Variants in PRH1 observed in about 807,000 individuals in gnomAD.
PRH1 encodes proline rich protein HaeIII subfamily 1.
In PRH1, 7 loss-of-function variants were observed where a neutral mutation model predicts 7.9. That is an observed-to-expected ratio of 0.89 (90% CI 0.50 to 1.67). The LOEUF (loss-of-function observed/expected upper bound fraction) is 1.67, where lower values mean the gene tolerates loss of function less well. PRH1 is among the 40% of genes most tolerant of loss of function. PRH1 has a pLI of 0.00. For synonymous variants in PRH1, 45 were observed against 80.8 expected, an observed-to-expected ratio of 0.56 and a Z score of 2.38; for missense variants, 109 against 223.6, an observed-to-expected ratio of 0.49 and a Z score of 3.27.
At chr12:11,148,510 T>C (rs1441855610) in intron 1 of PRH1, among the ~76,000 whole-genome samples, 1 of 147,936 alleles carries the variant, frequency 6.8e-6, no homozygotes, top group African/African-American at 2.5e-5. Flanking sequence ...TTGTTGAATT[T>C]TGTCAAAGGC....
At chr12:11,027,881 C>G (rs1018766490) in intron 1 of PRH1, among the ~76,000 whole-genome samples, 1 of 152,190 alleles carries the variant, frequency 6.6e-6, no homozygotes, top group African/African-American at 2.4e-5. Context: ...ATAGCAAGTG[C>G]AGAATATTAA....
chr12:11,071,879 C>T (rs1591951240), intron 1 of PRH1, among the ~76,000 whole-genome samples: 3 of 152,288 alleles, frequency 2.0e-5, no homozygotes, highest in East Asian at 3.9e-4. Flanking sequence ...CTCAATAACC[C>T]CCCTTACCTT....
chr12:10,890,949 C>T (rs888448535), intron 2 of PRH1, among the ~76,000 whole-genome samples: 1 of 152,012 alleles, frequency 6.6e-6, no homozygotes, highest in Non-Finnish European at 1.5e-5. Context: ...CACCCCTTCC[C>T]CCAACCCCCA....
chr12:11,102,350 G>A (rs1365849461), intron 1 of PRH1, among the ~76,000 whole-genome samples: 1 of 152,146 alleles, frequency 6.6e-6, no homozygotes, highest in Non-Finnish European at 1.5e-5. Flanking sequence ...CAGAGATATA[G>A]ACCAATGGAA....
At chr12:11,158,238 C>T (rs867862884) in intron 1 of PRH1, among the ~76,000 whole-genome samples, 5 of 152,092 alleles carry the variant, frequency 3.3e-5, no homozygotes. Context: ...ATTCTCTTAA[C>T]TGCTTCATTA....
intron 1 of PRH1, among the ~76,000 whole-genome samples, chr12:11,146,953 A>C (rs1467609264): frequency 2.0e-5 from 3 of 152,076 alleles, no homozygotes; most frequent in Admixed American, 6.6e-5. Context: ...AAATTCTTTC[A>C]ATTTTCATAA....
chr12:10,923,987 T>C (rs912341921), intron 2 of PRH1, among the ~76,000 whole-genome samples: 3 of 131,558 alleles, frequency 2.3e-5, no homozygotes, highest in Non-Finnish European at 1.6e-5. Flanking sequence ...CATTTCTCCA[T>C]CTGTTTTTTT....
intron 1 of PRH1, chr12:11,030,762 G>A (rs766122496): frequency 1.2e-6 from 2 of 1,614,070 alleles, no homozygotes; most frequent in East Asian, 2.2e-5. Flanking sequence ...AAACATAGCA[G>A]GGTCAGAGTG....
At chr12:11,054,238 A>G (rs2136159804) in intron 1 of PRH1, among the ~76,000 whole-genome samples, 1 of 152,174 alleles carries the variant, frequency 6.6e-6, no homozygotes, top group East Asian at 1.9e-4. Flanking sequence ...TTCTTTTACC[A>G]CATTCTAAAA....
chr12:11,018,529 CAG>C (rs1370054592), intron 1 of PRH1, among the ~76,000 whole-genome samples: 1 of 125,750 alleles, frequency 8.0e-6, no homozygotes, highest in Non-Finnish European at 1.8e-5. Context: ...AGTCTTGTAA[CAG>C]AAAAGCTTAG....
At chr12:11,103,152 A>T (rs1368757474) in intron 1 of PRH1, among the ~76,000 whole-genome samples, 1 of 152,178 alleles carries the variant, frequency 6.6e-6, no homozygotes, top group East Asian at 1.9e-4. Flanking sequence ...AGGGATATAG[A>T]ACTAGAAATG....
chr12:11,072,614 C>T (rs542756924), intron 1 of PRH1, among the ~76,000 whole-genome samples: 2 of 152,198 alleles, frequency 1.3e-5, no homozygotes, highest in South Asian at 2.1e-4. Flanking sequence ...TTTTACATCC[C>T]TCTCCACTTA....
At chr12:11,027,377 A>G (rs1397777309) in intron 1 of PRH1, among the ~76,000 whole-genome samples, 32 of 151,292 alleles carry the variant, frequency 2.1e-4, no homozygotes, top group Non-Finnish European at 4.7e-4. Context: ...AAATACCAGA[A>G]GAAAAGAAAT....
At chr12:11,113,256 G>C (rs1358683889) in intron 1 of PRH1, among the ~76,000 whole-genome samples, 1 of 152,088 alleles carries the variant, frequency 6.6e-6, no homozygotes. Context: ...GTGTAGCCAA[G>C]ACAATCCTAA....
intron 1 of PRH1, among the ~76,000 whole-genome samples, chr12:11,003,925 A>T (rs1212840216): frequency 6.6e-6 from 1 of 151,958 alleles, no homozygotes; most frequent in Non-Finnish European, 1.5e-5. Context: ...AGTATGTCAT[A>T]ATTTATTTAT....
At chr12:11,090,446 G>C (rs72477444) in intron 1 of PRH1, among the ~76,000 whole-genome samples, 24 of 90,098 alleles carry the variant, frequency 2.7e-4, no homozygotes, top group Admixed American at 4.7e-4. Context: ...TAATTTACAT[G>C]AGATCTCAAC....
chr12:10,951,853 T>C (rs1331736505), intron 2 of PRH1, among the ~76,000 whole-genome samples: 1 of 152,238 alleles, frequency 6.6e-6, no homozygotes, highest in Non-Finnish European at 1.5e-5. Flanking sequence ...GATTAACAGA[T>C]GTTAAAATCA....
chr12:11,092,125 C>G (rs768075873), intron 1 of PRH1: 1 of 1,458,088 alleles, frequency 6.9e-7, no homozygotes, highest in East Asian at 2.3e-5. Context: ...GTCTCTTGAA[C>G]CACTCAATGG....
intron 2 of PRH1, among the ~76,000 whole-genome samples, chr12:10,921,477 C>A (rs897027845): frequency 7.9e-5 from 12 of 152,140 alleles, no homozygotes; most frequent in African/African-American, 2.6e-4. Context: ...TTATATAAAG[C>A]TCTGCTATTT....
Sources: gnomAD v4.1 joint callset for allele counts (sites outside exome capture counted in the v4.1 genomes callset) on GRCh38, gnomAD v4.1.1 for gene constraint, MANE v1.5 for transcripts, NCBI Gene and HGNC (gene_info 2026-07-23, HGNC 2026-07-21) for gene names.